The following ALPK1 variants were observed in gnomAD, a reference collection of about 807,000 sequenced individuals.
ALPK1 encodes alpha-protein kinase 1.
Under a neutral mutation model 120.6 loss-of-function variants are expected in ALPK1, and 110 were observed. The observed-to-expected ratio is 0.91, with a 90% confidence interval of 0.78 to 1.07. The LOEUF is 1.07. ALPK1 is among the 50% of genes least tolerant of loss of function. ALPK1 has a pLI of 0.00. For synonymous variants in ALPK1, 582 were observed against 560.3 expected (o/e 1.04, Z -0.55); for missense variants, 1,498 against 1,483.9 (o/e 1.01, Z -0.16).
intron 2 of ALPK1, among the ~76,000 whole-genome samples, chr4:112,336,481 T>C (rs1167247932): frequency 6.6e-6 from 1 of 152,222 alleles, no homozygotes. Flanking sequence ...TAAATAGAGA[T>C]GACCAAAAAT....
chr4:112,418,605 A>G (rs899366438), intron 5 of ALPK1, among the ~76,000 whole-genome samples: 1 of 152,196 alleles, frequency 6.6e-6, no homozygotes, highest in Non-Finnish European at 1.5e-5. Flanking sequence ...CTTCCCATGC[A>G]GCGTCCTTCC....
intron 2 of ALPK1, chr4:112,357,435 A>G (rs1437392217): frequency 2.8e-6 from 2 of 702,662 alleles, no homozygotes; most frequent in Non-Finnish European, 5.1e-6. Context: ...CAGCCATCTG[A>G]TGCCTGGAGC....
intron 2 of ALPK1, among the ~76,000 whole-genome samples, chr4:112,362,577 T>C (rs1363318414): frequency 6.6e-6 from 1 of 151,664 alleles, no homozygotes; most frequent in Non-Finnish European, 1.5e-5. Context: ...CTCCAAGAAG[T>C]CTGGGATCAT....
intron 4 of ALPK1, among the ~76,000 whole-genome samples, chr4:112,410,655 G>A (rs1428590049): frequency 1.3e-5 from 2 of 152,190 alleles, no homozygotes; most frequent in Non-Finnish European, 2.9e-5. Flanking sequence ...GTATTTGGGT[G>A]ATAAACTCAT....
chr4:112,435,762 C>T (rs1734765004), intron 12 of ALPK1, among the ~76,000 whole-genome samples: 2 of 152,194 alleles, frequency 1.3e-5, no homozygotes, highest in Admixed American at 6.5e-5. Flanking sequence ...TTTAGGGATC[C>T]CGCATAGGCG....
intron 2 of ALPK1, among the ~76,000 whole-genome samples, chr4:112,344,583 T>C (rs1730024410): frequency 6.6e-6 from 1 of 152,250 alleles, no homozygotes; most frequent in South Asian, 2.1e-4. Flanking sequence ...CATCTTTCAA[T>C]GTATTGATAC....
rs1471912386 is a variant in ALPK1 at position 112,372,413 on chromosome 4, C to T, written c.-100-5265C>T. Among the ~76,000 whole-genome samples, 7 of 152,098 alleles carry T rather than the reference C, an allele frequency of 4.6e-5. No homozygotes were observed. In the South Asian group the frequency reaches 6.2e-4, roughly 14 times the overall value. On this transcript the variant is annotated intron_variant, in intron 2 of 15. Coordinates refer to ENST00000650871, the MANE Select transcript of ALPK1 (RefSeq NM_025144.4). ...ATTTTTAGTAAAGACCGGGTTTCTCCGTAGCCAGGATGGTCTCAATCTCCT... is the reference window on the plus strand; with the variant it reads ...ATTTTTAGTAAAGACCGGGTTTCTCTGTAGCCAGGATGGTCTCAATCTCCT...
chr4:112,320,073 G>A (rs895423953), intron 2 of ALPK1, among the ~76,000 whole-genome samples: 1 of 152,162 alleles, frequency 6.6e-6, no homozygotes, highest in South Asian at 2.1e-4. Context: ...AGGACTTCCA[G>A]TGCTATGTTG....
rs773985048 is a variant in ALPK1 at position 112,430,544 on chromosome 4, G to A, written c.997G>A (p.Glu333Lys). 4.3e-6 allele frequency: 7 copies of A among 1,614,050 alleles called. No homozygotes were observed. The highest frequency in any genetic ancestry group is 1.1e-5 in the South Asian group (1 of 91,084). ...LHLCEAKEAF[E>K]IGLLTKRDDE... is the part of the protein sequence containing the mutation. ...TCTGTGTGAAGCCAAAGAGGCCTTTGAGATTGGCCTCCTCACCAAGAGAGA... is the reference window on the plus strand; with the variant it reads ...TCTGTGTGAAGCCAAAGAGGCCTTTAAGATTGGCCTCCTCACCAAGAGAGA... The change falls in exon 11 of 16, where the codon GAG becomes AAG. Residue 333 changes from glutamate (E) to lysine (K), a missense_variant. Physicochemically the swap from Glu to Lys is moderately conservative, Grantham distance 56. Coordinates refer to ENST00000650871, the MANE Select transcript of ALPK1 (RefSeq NM_025144.4).
chr4:112,402,544 C>T (rs1477702243), intron 4 of ALPK1, among the ~76,000 whole-genome samples: 1 of 152,176 alleles, frequency 6.6e-6, no homozygotes, highest in Admixed American at 6.5e-5. Context: ...ATGAAGTTCC[C>T]TTTGTGCCTT....
At chr4:112,391,596 G>C (rs1159697106) in intron 4 of ALPK1, among the ~76,000 whole-genome samples, 1 of 152,210 alleles carries the variant, frequency 6.6e-6, no homozygotes, top group Admixed American at 6.5e-5. Flanking sequence ...TAGTGGCCTT[G>C]TGAGAATACC....
intron 5 of ALPK1, among the ~76,000 whole-genome samples, chr4:112,421,699 T>C (rs1019356769): frequency 1.3e-5 from 2 of 152,198 alleles, no homozygotes; most frequent in Non-Finnish European, 1.5e-5. Flanking sequence ...TTATGTCTTC[T>C]ACCCACCGAT....
intron 2 of ALPK1, among the ~76,000 whole-genome samples, chr4:112,345,944 AC>A (rs1298637272): frequency 6.6e-6 from 1 of 152,168 alleles, no homozygotes; most frequent in Non-Finnish European, 1.5e-5. Context: ...GCTCACTGCA[AC>A]CTTTGTCTCC....
chr4:112,413,759 A>G lies in ALPK1; in HGVS notation c.475+1734A>G, dbSNP rs75494887. 8.2e-3 allele frequency among the ~76,000 whole-genome samples: 1,252 copies of G among 152,024 alleles called. 17 individuals are homozygous for G. Among genetic ancestry groups the G allele is most frequent in the African/African-American group, 0.029 (1,185 of 41,452 alleles). ...AAATTGGTTTTGGGAGGGTTTTTTA[A>G]ATTATTTCTCTCAAGATTCTAACCA... On this transcript the variant is annotated intron_variant, in intron 5 of 15. Transcript: ENST00000650871.
intron 1 of ALPK1, among the ~76,000 whole-genome samples, chr4:112,308,069 A>G (rs1299466002): frequency 6.6e-6 from 1 of 152,084 alleles, no homozygotes; most frequent in Non-Finnish European, 1.5e-5. Flanking sequence ...AATGTTGAAT[A>G]TTGGCCCCCA....
chr4:112,364,898 TA>T (rs1254018614), intron 2 of ALPK1, among the ~76,000 whole-genome samples: 1 of 152,112 alleles, frequency 6.6e-6, no homozygotes, highest in Non-Finnish European at 1.5e-5. Flanking sequence ...AGGGATGGTT[TA>T]ACATACACAA....
At chr4:112,424,628 C>A (rs1420548988) in intron 6 of ALPK1, among the ~76,000 whole-genome samples, 2 of 152,164 alleles carry the variant, frequency 1.3e-5, no homozygotes, top group African/African-American at 2.4e-5. Flanking sequence ...ACTCAGCATG[C>A]TTGGATGTGA....
At chr4:112,423,490 G>A (rs1181972144) in intron 5 of ALPK1, among the ~76,000 whole-genome samples, 1 of 152,106 alleles carries the variant, frequency 6.6e-6, no homozygotes, top group Admixed American at 6.5e-5. Flanking sequence ...CTTCCTATGT[G>A]GTAGTAACAA....
At chr4:112,353,102 A>G (rs1730438377) in intron 2 of ALPK1, 1 of 150,950 alleles carries the variant, frequency 6.6e-6, no homozygotes, top group Admixed American at 6.6e-5. Flanking sequence ...CAGCCTCCTG[A>G]GTAGCTGGGA....
Sources: allele counts gnomAD v4.1 joint callset (sites outside exome capture counted in the v4.1 genomes callset), GRCh38; gene constraint gnomAD v4.1.1; transcripts MANE v1.5; gene names NCBI Gene and HGNC (gene_info 2026-07-23, HGNC 2026-07-21).